The following DCLK1 variants were observed in gnomAD, a reference collection of about 807,000 sequenced individuals.
DCLK1 encodes serine/threonine-protein kinase DCLK1.
DCLK1 carries 16 observed loss-of-function variants against 86.2 expected under a neutral mutation model. The ratio of observed to expected loss-of-function variants is 0.19; its 90% confidence interval spans 0.13 to 0.28. The LOEUF (loss-of-function observed/expected upper bound fraction) is 0.28, where lower values mean the gene tolerates loss of function less well. DCLK1 is among the 10% of genes least tolerant of loss of function. The pLI, the probability that DCLK1 is intolerant of heterozygous loss-of-function variation, is 1.00. For missense variants in DCLK1, 590 were observed against 940.2 expected, an observed-to-expected ratio of 0.63 and a Z score of 4.87; for synonymous variants, 369 against 370.5, an observed-to-expected ratio of 1.00 and a Z score of 0.05.
intron 11 of DCLK1, among the ~76,000 whole-genome samples, chr13:35,818,247 A>C (rs2087314047): frequency 6.6e-6 from 1 of 152,132 alleles, no homozygotes; most frequent in Non-Finnish European, 1.5e-5. Flanking sequence ...CCTATCACCA[A>C]ATGGATTTAT....
At chr13:35,935,608 G>A (rs1172208941) in intron 4 of DCLK1, among the ~76,000 whole-genome samples, 2 of 152,160 alleles carry the variant, frequency 1.3e-5, no homozygotes, top group Non-Finnish European at 2.9e-5. Context: ...TTCAGTTGTG[G>A]GATGTGTTGA....
At chr13:35,942,876 A>G (rs915499817) in intron 4 of DCLK1, among the ~76,000 whole-genome samples, 3 of 152,174 alleles carry the variant, frequency 2.0e-5, no homozygotes, top group Non-Finnish European at 4.4e-5. Flanking sequence ...GATGTATTCT[A>G]CTAACAAATA....
chr13:35,953,405 G>T (rs1329335637), intron 3 of DCLK1, among the ~76,000 whole-genome samples: 1 of 152,036 alleles, frequency 6.6e-6, no homozygotes, highest in Non-Finnish European at 1.5e-5. Flanking sequence ...CACATATATT[G>T]TATATTAATA....
At chr13:35,953,863 G>A (rs962600557) in intron 3 of DCLK1, among the ~76,000 whole-genome samples, 1 of 152,114 alleles carries the variant, frequency 6.6e-6, no homozygotes, top group Non-Finnish European at 1.5e-5. Flanking sequence ...ACGAAACAGG[G>A]GATATCTCTG....
At chr13:35,883,229 T>TC (rs1212530747) in intron 4 of DCLK1, among the ~76,000 whole-genome samples, 1 of 152,092 alleles carries the variant, frequency 6.6e-6, no homozygotes, top group East Asian at 1.9e-4. Flanking sequence ...TGAAATCTGA[T>TC]CCCCCATGTG....
At chr13:35,840,473 A>G (rs2153108153) in intron 6 of DCLK1, among the ~76,000 whole-genome samples, 1 of 152,336 alleles carries the variant, frequency 6.6e-6, no homozygotes, top group Middle Eastern at 3.4e-3. Flanking sequence ...CTCACAGTTG[A>G]CACCATTGGG....
intron 3 of DCLK1, among the ~76,000 whole-genome samples, chr13:35,967,976 C>G (rs572088480): frequency 6.6e-6 from 1 of 151,784 alleles, no homozygotes; most frequent in African/African-American, 2.4e-5. Flanking sequence ...ACCAGGATCA[C>G]GCCACTGCAT....
intron 3 of DCLK1, among the ~76,000 whole-genome samples, chr13:36,029,914 A>G (rs1460044953): frequency 1.3e-5 from 2 of 152,198 alleles, no homozygotes; most frequent in Non-Finnish European, 2.9e-5. Context: ...AACCCCCACA[A>G]TAACCCTGGG....
chr13:35,843,447 G>A (rs1869962931), intron 6 of DCLK1, among the ~76,000 whole-genome samples: 1 of 152,144 alleles, frequency 6.6e-6, no homozygotes, highest in Non-Finnish European at 1.5e-5. Context: ...AACAGATGGA[G>A]AACATATCAC....
intron 3 of DCLK1, among the ~76,000 whole-genome samples, chr13:36,021,795 AATAGTT>A (rs1881793858): frequency 6.6e-6 from 1 of 152,098 alleles, no homozygotes; most frequent in Non-Finnish European, 1.5e-5. Flanking sequence ...ATTCAACAAT[AATAGTT>A]AGAGACCTCA....
At chr13:35,938,952 A>G (rs1876925361) in intron 4 of DCLK1, among the ~76,000 whole-genome samples, 1 of 152,226 alleles carries the variant, frequency 6.6e-6, no homozygotes, top group Admixed American at 6.5e-5. Flanking sequence ...TGATTTTCTA[A>G]GTAGAAAATT....
chr13:35,925,743 T>A (rs563711960), intron 4 of DCLK1, among the ~76,000 whole-genome samples: 1 of 152,216 alleles, frequency 6.6e-6, no homozygotes, highest in African/African-American at 2.4e-5. Flanking sequence ...TTATTTTGGA[T>A]AGATCTCACC....
At chr13:36,025,096 T>C (rs1460768327) in intron 3 of DCLK1, among the ~76,000 whole-genome samples, 1 of 152,132 alleles carries the variant, frequency 6.6e-6, no homozygotes, top group East Asian at 1.9e-4. Flanking sequence ...GCCTCCTGAG[T>C]AGCTGGGATT....
intron 6 of DCLK1, among the ~76,000 whole-genome samples, chr13:35,851,617 A>C (rs529169853): frequency 1.3e-5 from 2 of 152,322 alleles, no homozygotes; most frequent in Non-Finnish European, 2.9e-5. Flanking sequence ...GACCAAAAAA[A>C]GTTCATGAGT....
intron 4 of DCLK1, among the ~76,000 whole-genome samples, chr13:35,903,748 T>G (rs1466401595): frequency 6.6e-6 from 1 of 151,962 alleles, no homozygotes; most frequent in African/African-American, 2.4e-5. Context: ...AAAAAAAAAT[T>G]CAAATATGCT....
intron 3 of DCLK1, among the ~76,000 whole-genome samples, chr13:35,964,384 G>A (rs1878620842): frequency 6.6e-6 from 1 of 152,210 alleles, no homozygotes; most frequent in Admixed American, 6.5e-5. Flanking sequence ...AAGAGGAAAT[G>A]AACATGCAAA....
chr13:35,916,746 A>G (rs1171082), intron 4 of DCLK1, among the ~76,000 whole-genome samples: 8,039 of 152,234 alleles, frequency 0.053, 679 homozygotes, highest in African/African-American at 0.18. Context: ...GTGAATATCT[A>G]TCTATCCCTA....
chr13:36,070,494 A>C (rs571993994), intron 3 of DCLK1, among the ~76,000 whole-genome samples: 73 of 152,324 alleles, frequency 4.8e-4, no homozygotes, highest in African/African-American at 1.7e-3. Flanking sequence ...TTTATCAAAC[A>C]AGGTCACACT....
chr13:35,790,950 G>A (rs75709285), intron 16 of DCLK1, among the ~76,000 whole-genome samples: 7 of 152,280 alleles, frequency 4.6e-5, no homozygotes, highest in Non-Finnish European at 8.8e-5. Flanking sequence ...TATTCTGAAA[G>A]TATCACAATG....
Sources: allele counts gnomAD v4.1 joint callset (sites outside exome capture counted in the v4.1 genomes callset), GRCh38; gene constraint gnomAD v4.1.1; transcripts MANE v1.5; gene names NCBI Gene and HGNC (gene_info 2026-07-23, HGNC 2026-07-21).